The following RIC3 variants were observed in gnomAD, a reference collection of about 807,000 sequenced individuals.
The protein encoded by RIC3 is RIC3 acetylcholine receptor chaperone.
RIC3 carries 28 observed loss-of-function variants against 27.3 expected under a neutral mutation model. The ratio of observed to expected loss-of-function variants is 1.02; its 90% confidence interval spans 0.76 to 1.41. The LOEUF (loss-of-function observed/expected upper bound fraction) is 1.41, where lower values mean the gene tolerates loss of function less well. Among genes scored for constraint, RIC3 ranks in the 40% most tolerant of loss-of-function variants. RIC3 has a pLI of 0.00. For synonymous variants in RIC3, 184 were observed against 160.4 expected (o/e 1.15, Z -1.11); for missense variants, 501 against 444.7 (o/e 1.13, Z -1.14).
chr11:8,133,846 T>G (rs1948034668), intron 4 of RIC3, among the ~76,000 whole-genome samples: 1 of 152,162 alleles, frequency 6.6e-6, no homozygotes, highest in African/African-American at 2.4e-5. Context: ...GTGGAGTAAT[T>G]TGAGTTAAGG....
rs767207803 is a variant in RIC3 at position 8,107,948 on chromosome 11, T to C, written c.*2750A>G. 1.3e-5 allele frequency: 2 copies of C among 152,194 alleles called. No individual in the cohort carries two copies. Among genetic ancestry groups the C allele is most frequent in the Admixed American group, 6.5e-5 (1 of 15,276 alleles). The allele number at this position is 152,194 out of a possible 1,614,324, so 9.4% of individuals were successfully genotyped here. On this transcript the variant is annotated 3_prime_UTR_variant, in exon 6 of 6. Transcript: ENST00000309737. Reference sequence around the variant, plus strand: ...GGCAACAAAAACCGGACCCATGATTTTGTCATCCTGGGTTGTATATACACA... The same window carrying C: ...GGCAACAAAAACCGGACCCATGATTCTGTCATCCTGGGTTGTATATACACA...
At chr11:8,133,506 T>C (rs1371543097) in intron 4 of RIC3, among the ~76,000 whole-genome samples, 1 of 152,214 alleles carries the variant, frequency 6.6e-6, no homozygotes, top group African/African-American at 2.4e-5. Context: ...AGCCATGCTC[T>C]TTCTTCAGTG....
At chr11:8,168,494 A>G (rs1057480594) in intron 1 of RIC3, among the ~76,000 whole-genome samples, 1 of 152,192 alleles carries the variant, frequency 6.6e-6, no homozygotes, top group African/African-American at 2.4e-5. Flanking sequence ...CGGAAAACCT[A>G]AAGAGGGAAA....
At chr11:8,097,425 G>A in the RIC3 span, 2 of 1,614,086 alleles carry the variant, frequency 1.2e-6, no homozygotes, top group Admixed American at 1.7e-5. Context: ...ATGGGAAGAA[G>A]GTAAGGTTGG....
intron 1 of RIC3, among the ~76,000 whole-genome samples, chr11:8,167,733 A>C (rs1001261873): frequency 1.3e-5 from 2 of 152,204 alleles, no homozygotes; most frequent in African/African-American, 4.8e-5. Context: ...TCATTAGACA[A>C]AGCAGGTAAA....
In RIC3 at chr11:8,140,142, T is replaced by A. The variant is rs748754315; in HGVS notation, c.176A>T (p.Asp59Val). ...PMMHHHQAPS[D>V]GQTPGARFQR... The stretch of plus-strand genomic sequence containing the variant: ...GAAACGAGCCCCAGGAGTCTGGCCA[T>A]CTGAGGGTGCCTGGTGATGATGCAT... The change falls in exon 2 of 6, where the codon GAT becomes GTT. Residue 59 changes from aspartate (D) to valine (V), a missense_variant. Coordinates refer to ENST00000309737, the MANE Select transcript of RIC3 (RefSeq NM_001206671.4). The A allele has an allele frequency of 6.2e-7, 1 of 1,614,092 alleles. No homozygotes were observed.
chr11:8,169,016 G>C lies in RIC3; in HGVS notation c.-27C>G. ...ACTGCTCACGGTGGTCGCAGGTGCA[G>C]ACGCCAGCCGGAACCGGAACCGGAA... On this transcript the variant is annotated 5_prime_UTR_variant, in exon 1 of 6. Coordinates refer to ENST00000309737, the MANE Select transcript of RIC3 (RefSeq NM_001206671.4). The C allele has an allele frequency of 1.0e-5, 15 of 1,505,380 alleles. No individual in the cohort carries two copies. The highest frequency in any genetic ancestry group is 1.3e-5 in the Non-Finnish European group (15 of 1,132,048). The allele number at this position is 1,505,380 out of a possible 1,614,324, so 93.3% of individuals were successfully genotyped here.
the RIC3 span, chr11:8,100,844 G>A: frequency 1.2e-6 from 2 of 1,614,056 alleles, no homozygotes; most frequent in South Asian, 1.1e-5. Context: ...GACACTGCTA[G>A]CACGCTGGCA....
At chr11:8,128,383 G>C in intron 4 of RIC3, 1 of 401,706 alleles carries the variant, frequency 2.5e-6, no homozygotes, top group South Asian at 1.8e-5. Context: ...ACTACAGGAA[G>C]CAGGAACAGA....
chr11:8,146,273 G>A (rs1187373803), intron 1 of RIC3, among the ~76,000 whole-genome samples: 4 of 152,108 alleles, frequency 2.6e-5, no homozygotes, highest in South Asian at 4.1e-4. Context: ...AAAACATACC[G>A]TTAGGTTAAG....
chr11:8,107,062 G>A lies in RIC3; in HGVS notation c.*3636C>T, dbSNP rs933802587. 6.6e-6 allele frequency: 1 copy of A among 152,170 alleles called. No homozygotes were observed. The highest frequency in any genetic ancestry group is 2.1e-4 in the South Asian group (1 of 4,832). The allele number at this position is 152,170 out of a possible 1,614,324, so 9.4% of individuals were successfully genotyped here. A position where few individuals can be genotyped will look rare whatever the true frequency, so the allele number is the denominator to read the frequency against. ...GAAACTGGTTCTCTGAGAGGTTAAG[G>A]AATGACCTAAGAGGAGAAATTTGGG... On this transcript the variant is annotated 3_prime_UTR_variant, in exon 6 of 6. Coordinates refer to ENST00000309737, the MANE Select transcript of RIC3 (RefSeq NM_001206671.4).
chr11:8,103,968 C>CT (rs1944410881), downstream of RIC3: 1 of 152,208 alleles, frequency 6.6e-6, no homozygotes, highest in Non-Finnish European at 1.5e-5. Context: ...GCTGAGCTTT[C>CT]TAGCCTAAGT....
At chr11:8,125,682 G>A (rs943813187) in intron 5 of RIC3, among the ~76,000 whole-genome samples, 3 of 152,194 alleles carry the variant, frequency 2.0e-5, no homozygotes, top group Admixed American at 2.0e-4. Flanking sequence ...TACACCGCTG[G>A]TGGGAAGGGA....
At chr11:8,095,463 C>G in the RIC3 span, 3 of 1,578,938 alleles carry the variant, frequency 1.9e-6, no homozygotes, top group Non-Finnish European at 2.6e-6. Flanking sequence ...CTCTCCTCCT[C>G]CTGGATGTAA....
At chr11:8,149,243 G>C (rs569059194) in intron 1 of RIC3, among the ~76,000 whole-genome samples, 1 of 150,942 alleles carries the variant, frequency 6.6e-6, no homozygotes, top group Non-Finnish European at 1.5e-5. Flanking sequence ...AAAAACAGGA[G>C]GCAAATGGAG....
the RIC3 span, chr11:8,094,096 A>ACAG: frequency 6.2e-7 from 1 of 1,614,192 alleles, no homozygotes; most frequent in Non-Finnish European, 8.5e-7. Flanking sequence ...CACGCGCCCA[A>ACAG]CAGCACCAGC....
At chr11:8,099,654 G>C in the RIC3 span, among the ~76,000 whole-genome samples, 1 of 152,328 alleles carries the variant, frequency 6.6e-6, no homozygotes, top group Non-Finnish European at 1.5e-5. Context: ...CTATGAAACA[G>C]ATCTATCAGT....
At position 8,106,682 on chromosome 11, in the gene RIC3, AG is replaced by A. The variant is rs1944700899; in HGVS notation, c.*4015del. On this transcript the variant is annotated 3_prime_UTR_variant, in exon 6 of 6. Coordinates refer to ENST00000309737, the MANE Select transcript of RIC3 (RefSeq NM_001206671.4). ...ATTTAAACAGGACCTCGAGATGCTT[AG>A]GAATCTTTTTTTGTTGCCGGGCAGC... 2.6e-4 allele frequency: 1 copy of A among 3,854 alleles called. No homozygotes were observed. The highest frequency in any genetic ancestry group is 4.1e-3 in the Admixed American group (1 of 246). The allele number at this position is 3,854 out of a possible 1,614,324, so 0.2% of individuals were successfully genotyped here. A position where few individuals can be genotyped will look rare whatever the true frequency, so the allele number is the denominator to read the frequency against.
Position 8,107,033 on chromosome 11 carries a change from T to C in RIC3, c.*3665A>G, listed in dbSNP as rs1311227559. ...TAAATAGAGCATTATTCCCAATTCA[T>C]GGGGAAACTGGTTCTCTGAGAGGTT... On this transcript the variant is annotated 3_prime_UTR_variant, in exon 6 of 6. Coordinates refer to ENST00000309737, the MANE Select transcript of RIC3 (RefSeq NM_001206671.4). 6.6e-6 allele frequency: 1 copy of C among 152,132 alleles called. No individual in the cohort carries two copies. Among genetic ancestry groups the C allele is most frequent in the Non-Finnish European group, 1.5e-5 (1 of 68,026 alleles). The allele number at this position is 152,132 out of a possible 1,614,324, so 9.4% of individuals were successfully genotyped here.
Sources: allele counts gnomAD v4.1 joint callset (sites outside exome capture counted in the v4.1 genomes callset), GRCh38; gene constraint gnomAD v4.1.1; transcripts MANE v1.5; gene names NCBI Gene and HGNC (gene_info 2026-07-23, HGNC 2026-07-21).